The following MYCBP2 variants were observed in gnomAD, a reference collection of about 807,000 sequenced individuals.
The protein encoded by MYCBP2 is E3 ubiquitin-protein ligase MYCBP2.
MYCBP2 carries 120 observed loss-of-function variants against 525.3 expected under a neutral mutation model. The observed-to-expected ratio is 0.23, with a 90% CI of 0.20 to 0.27. MYCBP2 has a LOEUF of 0.27. Ranked by LOEUF, MYCBP2 falls within the 10% of genes least tolerant of loss-of-function variation. The pLI, the probability that MYCBP2 is intolerant of heterozygous loss-of-function variation, is 1.00. For missense variants in MYCBP2, 4,149 were observed against 5,657.1 expected, an observed-to-expected ratio of 0.73 and a Z score of 8.55; for synonymous variants, 1,894 against 1,955.8, an observed-to-expected ratio of 0.97 and a Z score of 0.83.
intron 3 of MYCBP2, 149 bp downstream of exon 3, chr13:77,288,012 G>A: frequency 1.3e-6 from 1 of 743,198 alleles, no homozygotes; most frequent in East Asian, 2.5e-5. Context: ...TTCCTTTTCT[G>A]CTCCAAATCT....
intron 55 of MYCBP2, among the ~76,000 whole-genome samples, chr13:77,101,497 T>C (rs893701551): frequency 6.6e-6 from 1 of 152,068 alleles, no homozygotes; most frequent in African/African-American, 2.4e-5. Context: ...AAATGGAATC[T>C]GCCAAATACC....
In MYCBP2 at chr13:77,211,252, TC is replaced by T; in HGVS notation, c.3330del (p.Ser1111ValfsTer26). 6.5e-7 allele frequency: 1 copy of T among 1,546,980 alleles called. No homozygotes were observed. Among genetic ancestry groups the T allele is most frequent in the Non-Finnish European group, 8.7e-7 (1 of 1,143,122 alleles). ...TCTGAGTCATTAAAAGTTTTACAAC[TC>T]CCATCCACTTTATTTATCAGAAGGC... ...FKCLLINKVD[G>X]SCKTFNDSEQ... is the part of the protein sequence containing the mutation. On this transcript the variant is annotated frameshift_variant, in exon 23 of 83. Coordinates refer to ENST00000544440, the MANE Select transcript of MYCBP2 (RefSeq NM_015057.5). LOFTEE classifies it high-confidence loss of function.
chr13:77,127,445 G>T (rs1425192348), intron 52 of MYCBP2, among the ~76,000 whole-genome samples: 1 of 151,614 alleles, frequency 6.6e-6, no homozygotes, highest in Non-Finnish European at 1.5e-5. Flanking sequence ...TAAATAAAGG[G>T]TCCACACTGG....
intron 1 of MYCBP2, among the ~76,000 whole-genome samples, chr13:77,314,642 T>C (rs190579477): frequency 3.9e-5 from 6 of 152,308 alleles, no homozygotes; most frequent in Admixed American, 2.6e-4. Context: ...ACAGATGATA[T>C]TGAGGGCAGT....
At chr13:77,155,401 G>A (rs1351623764) in intron 46 of MYCBP2, among the ~76,000 whole-genome samples, 1 of 152,024 alleles carries the variant, frequency 6.6e-6, no homozygotes, top group African/African-American at 2.4e-5. Context: ...AGGAGGAAAG[G>A]GCTGGGGACT....
intron 17 of MYCBP2, among the ~76,000 whole-genome samples, chr13:77,234,752 A>G (rs890563395): frequency 6.6e-6 from 1 of 152,020 alleles, no homozygotes. Context: ...AACATGCATG[A>G]TTTCTCAATT....
chr13:77,284,635 T>G (rs2076547476), intron 3 of MYCBP2, among the ~76,000 whole-genome samples: 1 of 152,208 alleles, frequency 6.6e-6, no homozygotes, highest in Admixed American at 6.5e-5. Flanking sequence ...TTTCATTTGC[T>G]TGCATAATTT....
At chr13:77,325,226 C>G (rs1489167889) in intron 1 of MYCBP2, among the ~76,000 whole-genome samples, 1 of 152,240 alleles carries the variant, frequency 6.6e-6, no homozygotes. Context: ...AGCCTCGTCC[C>G]TTTCATAATG....
intron 33 of MYCBP2, among the ~76,000 whole-genome samples, chr13:77,180,608 A>C (rs1259814730): frequency 2.0e-5 from 3 of 152,254 alleles, no homozygotes; most frequent in Non-Finnish European, 4.4e-5. Context: ...TATGACAGAC[A>C]GAAAACTTCT....
chr13:77,165,677 T>G (rs2058447233), intron 41 of MYCBP2, among the ~76,000 whole-genome samples: 1 of 152,204 alleles, frequency 6.6e-6, no homozygotes, highest in African/African-American at 2.4e-5. Flanking sequence ...TGGGCAATCA[T>G]TTTTCAATTA....
At chr13:77,170,827 G>A (rs867742600) in intron 38 of MYCBP2, among the ~76,000 whole-genome samples, 9 of 151,822 alleles carry the variant, frequency 5.9e-5, no homozygotes, top group African/African-American at 2.2e-4. Context: ...TGCCTTCCTC[G>A]GCCTCCCAAA....
chr13:77,189,478 A>C (rs776733382), intron 29 of MYCBP2, among the ~76,000 whole-genome samples: 12 of 152,164 alleles, frequency 7.9e-5, no homozygotes, highest in Non-Finnish European at 1.3e-4. Context: ...AAAACCAAAC[A>C]AACGAAAAAA....
chr13:77,179,158 T>C (rs770689664), intron 34 of MYCBP2, among the ~76,000 whole-genome samples: 4 of 152,146 alleles, frequency 2.6e-5, no homozygotes, highest in African/African-American at 4.8e-5. Context: ...AATGTGTATA[T>C]ATTGGATGGG....
In MYCBP2 at chr13:77,067,566, G is replaced by C. The variant is rs1566362225; in HGVS notation, c.12455+15C>G. On this transcript the variant is annotated intron_variant, in intron 71 of 82. Transcript: ENST00000544440. Reference sequence around the variant, plus strand: ...TCTATTCTGTTTTGGTACTAAAATAGAGGCAATAACTAACCTGGAATTGAA... The same window carrying C: ...TCTATTCTGTTTTGGTACTAAAATACAGGCAATAACTAACCTGGAATTGAA... The C allele has an allele frequency of 3.1e-6, 5 of 1,612,494 alleles. No individual in the cohort carries two copies. Among genetic ancestry groups the C allele is most frequent in the African/African-American group, 1.3e-5 (1 of 74,872 alleles).
At chr13:77,073,968 T>C (rs1023320480) in intron 68 of MYCBP2, among the ~76,000 whole-genome samples, 19 of 151,326 alleles carry the variant, frequency 1.3e-4, no homozygotes, top group African/African-American at 4.6e-4. Flanking sequence ...ACTATCAATT[T>C]GGTGTTAATT....
chr13:77,196,919 T>C (rs983114217), intron 26 of MYCBP2, among the ~76,000 whole-genome samples: 2 of 152,212 alleles, frequency 1.3e-5, no homozygotes, highest in African/African-American at 4.8e-5. Flanking sequence ...TTTTAAAAGA[T>C]GTCAAAAACT....
chr13:77,211,123 C>G, intron 23 of MYCBP2, 44 bp downstream of exon 23: 1 of 1,360,932 alleles, frequency 7.3e-7, no homozygotes, highest in Non-Finnish European at 9.6e-7. Context: ...AAGAGTATAA[C>G]TGCATCAAAA....
At chr13:77,047,586 T>C (rs1419835730) in intron 82 of MYCBP2, among the ~76,000 whole-genome samples, 1 of 151,826 alleles carries the variant, frequency 6.6e-6, no homozygotes, top group Non-Finnish European at 1.5e-5. Flanking sequence ...CCATATAACA[T>C]AAAAAGCAGT....
chr13:77,156,744 T>G (rs2057257096), intron 45 of MYCBP2, among the ~76,000 whole-genome samples: 1 of 152,216 alleles, frequency 6.6e-6, no homozygotes, highest in South Asian at 2.1e-4. Flanking sequence ...ATCAATGTTG[T>G]GTAATTTGTG....
Sources: allele counts gnomAD v4.1 joint callset (sites outside exome capture counted in the v4.1 genomes callset), GRCh38; gene constraint gnomAD v4.1.1; transcripts MANE v1.5; gene names NCBI Gene and HGNC (gene_info 2026-07-23, HGNC 2026-07-21).